MYO18B: variants seen among roughly 807,000 people sequenced by gnomAD.
The protein encoded by MYO18B is myosin XVIIIB, also known as unconventional myosin-XVIIIb.
A neutral mutation model predicts 273.0 loss-of-function variants in MYO18B; 204 were observed. The ratio of observed to expected loss-of-function variants is 0.75; its 90% confidence interval spans 0.67 to 0.84. The LOEUF (loss-of-function observed/expected upper bound fraction) is 0.84, where lower values mean the gene tolerates loss of function less well. Among genes scored for constraint, MYO18B ranks in the 40% least tolerant of loss-of-function variants. MYO18B has a pLI of 0.00. For missense variants in MYO18B, 3,212 were observed against 3,287.6 expected, an observed-to-expected ratio of 0.98 and a Z score of 0.56; for synonymous variants, 1,330 against 1,305.7, an observed-to-expected ratio of 1.02 and a Z score of -0.40.
intron 25 of MYO18B, 97 bp from the exon 26 acceptor site, chr22:25,890,659 A>G: frequency 6.6e-7 from 1 of 1,503,782 alleles, no homozygotes; most frequent in Middle Eastern, 1.7e-4. Context: ...CTTTCCCATG[A>G]TAGTGATTTG....
chr22:25,909,491 C>G (rs2092113927), intron 32 of MYO18B, among the ~76,000 whole-genome samples: 1 of 152,218 alleles, frequency 6.6e-6, no homozygotes, highest in Non-Finnish European at 1.5e-5. Context: ...GTGACCATCA[C>G]TCAGTACTTT....
chr22:26,051,009 G>A, the MYO18B span, among the ~76,000 whole-genome samples: 1 of 152,072 alleles, frequency 6.6e-6, no homozygotes, highest in Non-Finnish European at 1.5e-5. Context: ...TGAGAGAGAG[G>A]GAGATAAAGA....
chr22:25,998,470 G>T (rs894146306), intron 40 of MYO18B, among the ~76,000 whole-genome samples: 4 of 152,114 alleles, frequency 2.6e-5, no homozygotes, highest in Admixed American at 2.6e-4. Context: ...TGAGACGAAT[G>T]CTCTGAAAAA....
Position 25,755,775 on chromosome 22 carries a change from T to A in MYO18B, c.-109-5209T>A, listed in dbSNP as rs192238527. On this transcript the variant is annotated intron_variant, in intron 1 of 43. Coordinates refer to ENST00000335473, the MANE Select transcript of MYO18B (RefSeq NM_032608.7). ...TCTCTGTCTCTCGCTCCCTCTCTCA[T>A]CACGTGATGCCAGCTCCCCTTCTCC... 1.3e-3 allele frequency among the ~76,000 whole-genome samples: 192 copies of A among 152,296 alleles called. 2 individuals are homozygous for A. The highest frequency in any genetic ancestry group is 0.01 in the Middle Eastern group (3 of 294).
At chr22:25,802,681 A>T (rs1601740595) in intron 12 of MYO18B, among the ~76,000 whole-genome samples, 2 of 144,890 alleles carry the variant, frequency 1.4e-5, no homozygotes, top group Admixed American at 1.4e-4. Flanking sequence ...TGAACCCGGG[A>T]GGCAGAGCTT....
At chr22:25,880,121 C>T (rs2091298375) in intron 25 of MYO18B, among the ~76,000 whole-genome samples, 2 of 152,026 alleles carry the variant, frequency 1.3e-5, no homozygotes, top group African/African-American at 2.4e-5. Flanking sequence ...AGGAGCTTTT[C>T]GACGAAAACC....
chr22:25,842,770 G>C (rs972607846), intron 17 of MYO18B, among the ~76,000 whole-genome samples: 2 of 151,784 alleles, frequency 1.3e-5, no homozygotes, highest in Non-Finnish European at 2.9e-5. Flanking sequence ...ACAATAGTTA[G>C]AGTAATATTA....
At chr22:25,986,955 CTG>C (rs753351862) in intron 39 of MYO18B, among the ~76,000 whole-genome samples, 1 of 152,082 alleles carries the variant, frequency 6.6e-6, no homozygotes, top group East Asian at 1.9e-4. Context: ...GCACCAGGCT[CTG>C]TAACATTTTC....
rs1356888880 is a variant in MYO18B, at chr22:25,785,478, G to T, written c.2363G>T (p.Gly788Val). Residue 788 changes from glycine to valine, a missense_variant, in exon 11 of 44, where the codon GGC (glycine) becomes GTC (valine). Physicochemically the swap from Gly to Val is moderately radical, Grantham distance 109. Transcript: ENST00000335473. ...QMADSSSFGMGVWSKPEDKQK... is the reference protein window; with the variant it reads ...QMADSSSFGMVVWSKPEDKQK... The stretch of plus-strand genomic sequence containing the variant: ...GCAGATAGCAGCTCCTTTGGCATGG[G>T]CGTGTGGTCCAAGGTAAGGAGGAGG... 1 of 1,612,302 alleles carries T rather than the reference G, an allele frequency of 6.2e-7. No individual in the cohort carries two copies. Among genetic ancestry groups the T allele is most frequent in the East Asian group, 2.2e-5 (1 of 44,842 alleles).
chr22:26,054,887 T>G, the MYO18B span, among the ~76,000 whole-genome samples: 1 of 152,246 alleles, frequency 6.6e-6, no homozygotes, highest in South Asian at 2.1e-4. Flanking sequence ...AGGGTGATGA[T>G]GTGATTTTTA....
At chr22:25,997,958 A>AACAC (rs993922964) in intron 40 of MYO18B, among the ~76,000 whole-genome samples, 18 of 105,704 alleles carry the variant, frequency 1.7e-4, no homozygotes, top group Admixed American at 8.7e-4. Flanking sequence ...CACACACACA[A>AACAC]ACACACACAC....
rs145745817 is a variant in MYO18B at position 26,015,923 on chromosome 22, A to G, written c.6471-10522A>G. Reference sequence around the variant, plus strand: ...TGTAAGTTACTTGAAGACAATCACTATTCATCTCTATATTGACAGCATCTG... The same window carrying G: ...TGTAAGTTACTTGAAGACAATCACTGTTCATCTCTATATTGACAGCATCTG... On this transcript the variant is annotated intron_variant, in intron 42 of 43. Transcript: ENST00000335473. Among the ~76,000 whole-genome samples, 32 of 152,312 alleles carry G rather than the reference A, an allele frequency of 2.1e-4. No homozygotes were observed. The East Asian group carries it at 3.9e-3, about 18-fold the overall frequency.
At chr22:26,060,697 T>C in the MYO18B span, among the ~76,000 whole-genome samples, 4 of 151,970 alleles carry the variant, frequency 2.6e-5, no homozygotes, top group Admixed American at 2.0e-4. Context: ...CATATGTACA[T>C]ACATACACAC....
intron 31 of MYO18B, 63 bp downstream of exon 31, chr22:25,903,894 TA>T: frequency 6.6e-7 from 1 of 1,510,346 alleles, no homozygotes; most frequent in Non-Finnish European, 8.9e-7. Flanking sequence ...GTGATGTTAT[TA>T]AAATACAATG....
chr22:25,824,011 C>T (rs539399081), intron 13 of MYO18B, among the ~76,000 whole-genome samples: 2 of 152,228 alleles, frequency 1.3e-5, no homozygotes, highest in African/African-American at 4.8e-5. Flanking sequence ...AGGGGAAAGA[C>T]TAGTCTTTCT....
At chr22:26,023,443 T>C (rs1217548878) in intron 42 of MYO18B, among the ~76,000 whole-genome samples, 21 of 151,962 alleles carry the variant, frequency 1.4e-4, no homozygotes, top group Non-Finnish European at 4.4e-5. Context: ...TATGCCTTTT[T>C]TCCCCCCTAT....
intron 39 of MYO18B, among the ~76,000 whole-genome samples, chr22:25,974,730 CTGAA>C (rs1218745875): frequency 6.6e-6 from 1 of 152,178 alleles, no homozygotes; most frequent in African/African-American, 2.4e-5. Context: ...GAACATAAAA[CTGAA>C]AGGGTCCCAC....
At chr22:25,911,568 G>A (rs1026724585) in intron 33 of MYO18B, among the ~76,000 whole-genome samples, 2 of 152,328 alleles carry the variant, frequency 1.3e-5, no homozygotes, top group East Asian at 3.9e-4. Context: ...GTCCATCAGT[G>A]TACACCAGGG....
At chr22:25,869,000 T>C (rs960298694) in intron 22 of MYO18B, among the ~76,000 whole-genome samples, 5 of 152,228 alleles carry the variant, frequency 3.3e-5, no homozygotes, top group African/African-American at 1.2e-4. Flanking sequence ...TCAAACTATT[T>C]GACTGTGGAA....
Sources: allele counts gnomAD v4.1 joint callset (sites outside exome capture counted in the v4.1 genomes callset), GRCh38; gene constraint gnomAD v4.1.1; transcripts MANE v1.5; gene names NCBI Gene and HGNC (gene_info 2026-07-23, HGNC 2026-07-21).